Variants in TMEM65 observed in about 807,000 individuals in gnomAD.
TMEM65 encodes the protein transmembrane protein 65.
Under a neutral mutation model 25.4 loss-of-function variants are expected in TMEM65, and 22 were observed. The ratio of observed to expected loss-of-function variants is 0.86; its 90% CI spans 0.62 to 1.23. TMEM65 has a LOEUF of 1.23. Among genes scored for constraint, TMEM65 ranks in the 50% most tolerant of loss-of-function variants. The pLI is 0.00. For synonymous variants in TMEM65, 132 were observed against 126.2 expected (o/e 1.05, Z -0.31); for missense variants, 262 against 308.2 (o/e 0.85, Z 1.12).
rs1219632238 is a variant in TMEM65 at position 124,307,476 on chromosome 8, A to T, written c.*6484T>A. The T allele has an allele frequency of 1.3e-5, 2 of 152,172 alleles. No homozygotes were observed. Among genetic ancestry groups the T allele is most frequent in the Non-Finnish European group, 2.9e-5 (2 of 68,040 alleles). The allele number at this position is 152,172 out of a possible 1,614,324, so 9.4% of individuals were successfully genotyped here. On this transcript the variant is annotated 3_prime_UTR_variant, in exon 7 of 7. Coordinates refer to ENST00000297632, the MANE Select transcript of TMEM65 (RefSeq NM_194291.3). ...TTAAAAAAAATTAAGAAAATTTATG[A>T]AGCCATTACTGCATCTATACCAGCA...
chr8:124,360,810 G>GA (rs938606781), intron 1 of TMEM65, among the ~76,000 whole-genome samples: 1 of 151,890 alleles, frequency 6.6e-6, no homozygotes, highest in Admixed American at 6.6e-5. Context: ...GTAGAATGGG[G>GA]AAAAAAAATT....
In TMEM65 at chr8:124,353,450, C is replaced by G. The variant is rs531389035; in HGVS notation, c.304+18404G>C. Among the ~76,000 whole-genome samples the G allele has an allele frequency of 4.6e-5, 7 of 152,050 alleles. No individual in the cohort carries two copies. In the South Asian group the frequency reaches 1.5e-3, roughly 32 times the overall value. ...TGAATCTTTATAATACATAAAGACA[C>G]ATAGAACTATAAATAATATAGCTTT... On this transcript the variant is annotated intron_variant, in intron 1 of 6. Transcript: ENST00000297632.
chr8:124,319,738 ATACCAAAT>A (rs902093066), intron 6 of TMEM65, among the ~76,000 whole-genome samples: 57 of 152,258 alleles, frequency 3.7e-4, no homozygotes, highest in African/African-American at 1.2e-3. Flanking sequence ...TGCATATGTC[ATACCAAAT>A]TATAATTTGT....
intron 3 of TMEM65, among the ~76,000 whole-genome samples, chr8:124,325,110 T>G (rs983430443): frequency 2.0e-5 from 3 of 151,996 alleles, no homozygotes; most frequent in African/African-American, 7.2e-5. Flanking sequence ...CACACCTCTT[T>G]GTTTTTGTTT....
At chr8:124,349,433 G>C (rs10217100) in intron 1 of TMEM65, among the ~76,000 whole-genome samples, 55,941 of 151,826 alleles carry the variant, frequency 0.37, 10,589 homozygotes, top group East Asian at 0.56. Flanking sequence ...GAGGTATTAG[G>C]TGGTTTCTGC....
chr8:124,340,458 G>A (rs991567624), intron 1 of TMEM65, among the ~76,000 whole-genome samples: 1 of 152,136 alleles, frequency 6.6e-6, no homozygotes, highest in Non-Finnish European at 1.5e-5. Context: ...AAGCTCACAC[G>A]ACTTGGGTAA....
chr8:124,323,355 A>C lies in TMEM65; in HGVS notation c.438T>G (p.Ser146=), dbSNP rs1814329057. The change falls in exon 4 of 7, where the codon TCT becomes TCG. Residue 146 remains serine (S), a synonymous_variant. Transcript: ENST00000297632. ...TTGAAATTCCCAAAATAATTCCAAT[A>C]GACATTTCAATATGGGTTCCCTGAA... ...MIVAGTHIEM[S]IGIILGISTM... 1.3e-6 allele frequency: 2 copies of C among 1,511,040 alleles called. No homozygotes were observed. The highest frequency in any genetic ancestry group is 1.8e-6 in the Non-Finnish European group (2 of 1,106,384). 93.6% of individuals were successfully genotyped at this position (1,511,040 alleles called of 1,614,324 possible).
intron 5 of TMEM65, among the ~76,000 whole-genome samples, chr8:124,321,379 A>T (rs561245050): frequency 4.5e-4 from 69 of 152,318 alleles, no homozygotes; most frequent in African/African-American, 1.4e-3. Context: ...GAGCATATTT[A>T]TCATAATAAT....
intron 4 of TMEM65, among the ~76,000 whole-genome samples, chr8:124,322,723 C>T (rs1035236015): frequency 3.3e-5 from 5 of 151,960 alleles, no homozygotes; most frequent in East Asian, 1.9e-4. Context: ...ATAGGCTGGG[C>T]GTGGTGGCTC....
At position 124,307,332 on chromosome 8, in the gene TMEM65, T is replaced by G. The variant is rs1342339058; in HGVS notation, c.*6628A>C. The G allele has an allele frequency of 6.6e-6, 1 of 152,222 alleles. No individual in the cohort carries two copies. Among genetic ancestry groups the G allele is most frequent in the Non-Finnish European group, 1.5e-5 (1 of 68,048 alleles). The allele number at this position is 152,222 out of a possible 1,614,324, so 9.4% of individuals were successfully genotyped here. On this transcript the variant is annotated 3_prime_UTR_variant, in exon 7 of 7. Transcript: ENST00000297632. ...GAAGTCCCGCTAGTGACGCTGGAAG[T>G]GCTCCCAAGGAGCAAAGTCATGACA...
chr8:124,338,061 CCA>C lies in TMEM65; in HGVS notation c.305-7271_305-7270del, dbSNP rs757452057. Among the ~76,000 whole-genome samples the C allele has an allele frequency of 7.8e-4, 119 of 151,962 alleles. 1 individual carries two copies. Among genetic ancestry groups the C allele is most frequent in the Non-Finnish European group, 1.4e-3 (94 of 67,858 alleles). On this transcript the variant is annotated intron_variant, in intron 1 of 6. Transcript: ENST00000297632. ...AAAGCGAAAAGAAACTTAAAAGCAT[CCA>C]CAGTTTATCAGAAATAAATGTTTTG...
At chr8:124,352,475 C>CATAAAATAAAATAAAATAAAATAAA (rs202063585) in intron 1 of TMEM65, among the ~76,000 whole-genome samples, 8 of 127,872 alleles carry the variant, frequency 6.3e-5, no homozygotes, top group African/African-American at 2.4e-4. Flanking sequence ...AATTTACTAT[C>CATAAAATAAAATAAAATAAAATAAA]ATAAAATAAA....
At chr8:124,345,812 C>T (rs1814634404) in intron 1 of TMEM65, among the ~76,000 whole-genome samples, 2 of 152,128 alleles carry the variant, frequency 1.3e-5, no homozygotes, top group East Asian at 1.9e-4. Context: ...GGTGCAATCT[C>T]GGCTCACTGC....
rs1279465765 is a variant in TMEM65 at position 124,371,842 on chromosome 8, T to G, written c.304+12A>C. On this transcript the variant is annotated intron_variant, in intron 1 of 6. Coordinates refer to ENST00000297632, the MANE Select transcript of TMEM65 (RefSeq NM_194291.3). ...GGGGCCCCCGGGCTCGCCCCCCACC[T>G]GCCCCCCTTACCTTGGGCAATGGCA... 1 of 1,513,336 alleles carries G rather than the reference T, an allele frequency of 6.6e-7. No individual in the cohort carries two copies. Among genetic ancestry groups the G allele is most frequent in the African/African-American group, 1.4e-5 (1 of 69,362 alleles). The allele number at this position is 1,513,336 out of a possible 1,614,324, so 93.7% of individuals were successfully genotyped here. A position where few individuals can be genotyped will look rare whatever the true frequency, so the allele number is the denominator to read the frequency against.
Position 124,372,109 on chromosome 8 carries a change from T to A in TMEM65, c.49A>T (p.Arg17Trp). The A allele has an allele frequency of 1.9e-6, 2 of 1,046,686 alleles. No individual in the cohort carries two copies. Among genetic ancestry groups the A allele is most frequent in the Non-Finnish European group, 1.2e-6 (1 of 865,674 alleles). 64.8% of individuals were successfully genotyped at this position (1,046,686 alleles called of 1,614,324 possible). A position where few individuals can be genotyped will look rare whatever the true frequency, so the allele number is the denominator to read the frequency against. ...GCGGCGGCGGCGGCCGGGCCCGGCCTCAGGCTGCGCGCGGTCCGGCTCCTC... is the reference window on the plus strand; with the variant it reads ...GCGGCGGCGGCGGCCGGGCCCGGCCACAGGCTGCGCGCGGTCCGGCTCCTC... Reference protein sequence around the residue: ...LLRSRTARSLRPGPAAAAAPR... With the variant: ...LLRSRTARSLWPGPAAAAAPR... The change falls in exon 1 of 7, where the codon AGG becomes TGG. Residue 17 changes from arginine to tryptophan, a missense_variant. Coordinates refer to ENST00000297632, the MANE Select transcript of TMEM65 (RefSeq NM_194291.3).
In TMEM65 at chr8:124,328,418, T is replaced by C. The variant is rs1814393888; in HGVS notation, c.350-997A>G. Among the ~76,000 whole-genome samples the C allele has an allele frequency of 2.0e-5, 3 of 151,328 alleles. No individual in the cohort carries two copies. The South Asian group carries it at 6.3e-4, about 32-fold the overall frequency. ...ACTCCATCTTAAAAAAAAAAAAAAA[T>C]TGTAACTAGGAAGAACTAATACCTA... is the stretch of plus-strand genomic sequence containing the variant. On this transcript the variant is annotated intron_variant, in intron 2 of 6. Transcript: ENST00000297632.
rs1051516160 is a variant in TMEM65 at position 124,313,467 on chromosome 8, A to T, written c.*493T>A. 2 of 152,132 alleles carry T rather than the reference A, an allele frequency of 1.3e-5. No homozygotes were observed. The highest frequency in any genetic ancestry group is 2.9e-5 in the Non-Finnish European group (2 of 67,968). The allele number at this position is 152,132 out of a possible 1,614,324, so 9.4% of individuals were successfully genotyped here. ...ACAGTTAAGAAATGACTGAAATTAT[A>T]TTATTATAAATGTTTACTGCATAAC... is the stretch of plus-strand genomic sequence containing the variant. On this transcript the variant is annotated 3_prime_UTR_variant, in exon 7 of 7. Coordinates refer to ENST00000297632, the MANE Select transcript of TMEM65 (RefSeq NM_194291.3).
At chr8:124,327,493 T>C (rs1814379489) in intron 2 of TMEM65, 72 bp from the exon 3 acceptor site, 1 of 993,062 alleles carries the variant, frequency 1.0e-6, no homozygotes, top group South Asian at 1.6e-5. Context: ...ACAGATGATA[T>C]GATCAAAGTA....
At position 124,306,845 on chromosome 8, in the gene TMEM65, A is replaced by C. The variant is rs1031295629; in HGVS notation, c.*7115T>G. 6.6e-6 allele frequency: 1 copy of C among 152,160 alleles called. No homozygotes were observed. The highest frequency in any genetic ancestry group is 1.9e-4 in the East Asian group (1 of 5,186). The allele number at this position is 152,160 out of a possible 1,614,324, so 9.4% of individuals were successfully genotyped here. Reference sequence around the variant, plus strand: ...ATGCCTGTAATCCCAACTACTTGGGAGGCTGAGGCAGGAGAATCACTTGAA... The same window carrying C: ...ATGCCTGTAATCCCAACTACTTGGGCGGCTGAGGCAGGAGAATCACTTGAA... On this transcript the variant is annotated 3_prime_UTR_variant, in exon 7 of 7. Transcript: ENST00000297632.
Sources: allele counts gnomAD v4.1 joint callset (sites outside exome capture counted in the v4.1 genomes callset), GRCh38; gene constraint gnomAD v4.1.1; transcripts MANE v1.5; gene names NCBI Gene and HGNC (gene_info 2026-07-23, HGNC 2026-07-21).